ANKRD24: variants seen among roughly 807,000 people sequenced by gnomAD.
ANKRD24 encodes ankyrin repeat domain 24, also known as ankyrin repeat domain-containing protein 24.
Under a neutral mutation model 127.8 loss-of-function variants are expected in ANKRD24, and 109 were observed. The observed-to-expected ratio is 0.85, with a 90% CI of 0.73 to 1.00. ANKRD24 has a LOEUF of 1.00. ANKRD24 is among the 50% of genes least tolerant of loss of function. The pLI is 0.00. For missense variants in ANKRD24, 1,648 were observed against 1,570.2 expected, an observed-to-expected ratio of 1.05 and a Z score of -0.84; for synonymous variants, 743 against 671.1, an observed-to-expected ratio of 1.11 and a Z score of -1.66.
chr19:4,218,170 AG>A lies in ANKRD24; in HGVS notation c.3003+10del. ...CAGCGCAGAGGTCTTCCAGGTGAGC[AG>A]GGCTGGTCACCACCCGGGCCCCACC... On this transcript the variant is annotated splice_region_variant and intron_variant, in intron 18 of 21. Coordinates refer to ENST00000318934, the MANE Select transcript of ANKRD24 (RefSeq NM_001393985.1). 6.8e-7 allele frequency: 1 copy of A among 1,465,104 alleles called. No individual in the cohort carries two copies. The highest frequency in any genetic ancestry group is 2.8e-5 in the East Asian group (1 of 35,562). 90.8% of individuals were successfully genotyped at this position (1,465,104 alleles called of 1,614,324 possible). A position where few individuals can be genotyped will look rare whatever the true frequency, so the allele number is the denominator to read the frequency against.
intron 6 of ANKRD24, 80 bp downstream of exon 6, chr19:4,202,170 C>T (rs1969131177): frequency 7.7e-7 from 1 of 1,304,272 alleles, no homozygotes; most frequent in Non-Finnish European, 1.1e-6. Context: ...CCCCCAGATG[C>T]TCTATGAATC....
chr19:4,183,233 G>T, intron 1 of ANKRD24: 1 of 864,062 alleles, frequency 1.2e-6, no homozygotes, highest in Non-Finnish European at 1.4e-6. Context: ...GACCGCCTCG[G>T]CCTCCCAAAG....
chr19:4,195,060 T>TTTGTTTGTTTGTTTG lies in ANKRD24; in HGVS notation c.37-4621_37-4620insGTTTGTTTGTTTGTT, dbSNP rs1968623108. Among the ~76,000 whole-genome samples the TTTGTTTGTTTGTTTG allele has an allele frequency of 2.0e-5, 3 of 148,536 alleles. No individual in the cohort carries two copies. Among genetic ancestry groups the TTTGTTTGTTTGTTTG allele is most frequent in the South Asian group, 2.2e-4 (1 of 4,634 alleles). On this transcript the variant is annotated intron_variant, in intron 2 of 21. Transcript: ENST00000318934. This position sits in a 1 kb window ranked among gnomAD's most constrained non-coding sequence, Gnocchi z 4.2. ...TCGGCGTGAGCCACCGCGCCCAGGT[T>TTTGTTTGTTTGTTTG]TTTGTTTGTTTGTTTGTTTGTTTGT...
rs1371733117 is a variant in ANKRD24, at chr19:4,217,370, G to A, written c.2210G>A (p.Arg737Gln). ...TRIRGLEEAL[R>Q]QREREAAAEL... is the part of the protein sequence containing the mutation. ...ATCCGTGGCTTGGAGGAGGCTCTCC[G>A]GCAGCGGGAGCGGGAGGCAGCTGCG... The change falls in exon 18 of 22, where the codon CGG becomes CAG. Residue 737 changes from arginine to glutamine, a missense_variant. Transcript: ENST00000318934. 1.9e-6 allele frequency: 3 copies of A among 1,550,818 alleles called. No homozygotes were observed. Among genetic ancestry groups the A allele is most frequent in the East Asian group, 2.4e-5 (1 of 40,932 alleles).
intron 8 of ANKRD24, 29 bp downstream of exon 8, chr19:4,207,341 A>T (rs750700866): frequency 4.3e-6 from 7 of 1,609,440 alleles, no homozygotes; most frequent in Non-Finnish European, 6.0e-6. Flanking sequence ...TTCAGGGAAG[A>T]TGTTATGCTT....
intron 21 of ANKRD24, 95 bp from the exon 22 acceptor site, chr19:4,224,333 C>A: frequency 2.1e-6 from 3 of 1,461,404 alleles, no homozygotes; most frequent in Non-Finnish European, 2.8e-6. Context: ...GTGTGCATTT[C>A]CCTCCTGGCT....
At position 4,199,805 on chromosome 19, in the gene ANKRD24, C is replaced by T. The variant is rs1447574677; in HGVS notation, c.123+36C>T. On this transcript the variant is annotated intron_variant, in intron 3 of 21. Transcript: ENST00000318934. This position sits in a 1 kb window ranked among gnomAD's most constrained non-coding sequence, Gnocchi z 5.2. The stretch of plus-strand genomic sequence containing the variant: ...AGGGGCAGGTGGTGAGAGCCCGGAG[C>T]CCCTGTCGGGGGCGTGGGGAGGGGA... 6 of 1,507,092 alleles carry T rather than the reference C, an allele frequency of 4.0e-6. No homozygotes were observed. The South Asian group carries it at 4.8e-5, about 12-fold the overall frequency. The allele number at this position is 1,507,092 out of a possible 1,614,324, so 93.4% of individuals were successfully genotyped here. A position where few individuals can be genotyped will look rare whatever the true frequency, so the allele number is the denominator to read the frequency against.
intron 13 of ANKRD24, 115 bp downstream of exon 13, chr19:4,210,487 C>T: frequency 1.0e-6 from 1 of 958,748 alleles, no homozygotes; most frequent in Admixed American, 2.9e-5. Flanking sequence ...CCTCCCCACC[C>T]TGCTGCAGCC....
chr19:4,201,369 G>A (rs953621780), intron 5 of ANKRD24, among the ~76,000 whole-genome samples: 3 of 152,068 alleles, frequency 2.0e-5, no homozygotes, highest in African/African-American at 7.2e-5. Context: ...AAGGGTATAT[G>A]GATTGGCAAG....
chr19:4,216,321 G>C lies in ANKRD24; in HGVS notation c.1308G>C (p.Ser436=), dbSNP rs45510899. Residue 436 remains serine (S), a synonymous_variant, in exon 17 of 22, where the codon TCG becomes TCC. Coordinates refer to ENST00000318934, the MANE Select transcript of ANKRD24 (RefSeq NM_001393985.1). ...EVLLSRQLSP[S]AQEHLASLQE... is the part of the protein sequence containing the mutation. Reference sequence around the variant, plus strand: ...TGCTGTCCAGACAACTCAGTCCGTCGGCCCAGGAACACCTGGCCTCGCTGC... The same window carrying C: ...TGCTGTCCAGACAACTCAGTCCGTCCGCCCAGGAACACCTGGCCTCGCTGC... The C allele has an allele frequency of 1.9e-6, 3 of 1,563,082 alleles. No individual in the cohort carries two copies. The highest frequency in any genetic ancestry group is 2.6e-6 in the Non-Finnish European group (3 of 1,153,784).
intron 7 of ANKRD24, 23 bp from the exon 8 acceptor site, chr19:4,207,219 G>C: frequency 6.2e-7 from 1 of 1,611,510 alleles, no homozygotes; most frequent in Non-Finnish European, 8.5e-7. Flanking sequence ...CTACCGCACC[G>C]GACAACCTTT....
At position 4,224,554 on chromosome 19, in the gene ANKRD24, C is replaced by T; in HGVS notation, c.*49C>T. On this transcript the variant is annotated 3_prime_UTR_variant, in exon 22 of 22. Transcript: ENST00000318934. ...ACTGACCACACCCACGCAGGGACCT[C>T]ACCCCCCTGCAGGCCCCTTGCAGAC... 1 of 1,518,506 alleles carries T rather than the reference C, an allele frequency of 6.6e-7. No individual in the cohort carries two copies. Among genetic ancestry groups the T allele is most frequent in the Non-Finnish European group, 9.0e-7 (1 of 1,112,190 alleles). The allele number at this position is 1,518,506 out of a possible 1,614,324, so 94.1% of individuals were successfully genotyped here.
intron 1 of ANKRD24, among the ~76,000 whole-genome samples, chr19:4,185,840 G>T (rs1319592201): frequency 6.6e-6 from 1 of 152,196 alleles, no homozygotes; most frequent in Non-Finnish European, 1.5e-5. Context: ...ATGGAGCCAG[G>T]GGTGAGGCAG....
At position 4,207,928 on chromosome 19, in the gene ANKRD24, C is replaced by A; in HGVS notation, c.792C>A (p.His264Gln). ...TGGCGGGGGACAAACTCATCCTGCA[C>A]CTTCTGCAAGAGGCGGCCCAGCGCC... ...GALAGDKLILHLLQEAAQRPS... is the reference protein window; with the variant it reads ...GALAGDKLILQLLQEAAQRPS... The change falls in exon 10 of 22, where the codon CAC becomes CAA. Residue 264 changes from histidine to glutamine, a missense_variant. His to Gln is a conservative substitution (Grantham distance 24). Coordinates refer to ENST00000318934, the MANE Select transcript of ANKRD24 (RefSeq NM_001393985.1). 6.5e-7 allele frequency: 1 copy of A among 1,545,464 alleles called. No homozygotes were observed. Among genetic ancestry groups the A allele is most frequent in the Non-Finnish European group, 8.7e-7 (1 of 1,147,796 alleles).
intron 10 of ANKRD24, 34 bp from the exon 11 acceptor site, chr19:4,208,730 C>T: frequency 1.2e-6 from 2 of 1,606,824 alleles, no homozygotes; most frequent in Non-Finnish European, 1.7e-6. Context: ...GGCCTGGGAA[C>T]AGAATGCCTG....
In ANKRD24 at chr19:4,221,509, C is replaced by T. The variant is rs1476995684; in HGVS notation, c.3172-1161C>T. ...CCTCCCAAAGTGGTAGGATGACAGG[C>T]GTGAGCCACCGCACCTGGTTTCAGA... On this transcript the variant is annotated intron_variant, in intron 19 of 21. Coordinates refer to ENST00000318934, the MANE Select transcript of ANKRD24 (RefSeq NM_001393985.1). Among the ~76,000 whole-genome samples, 6 of 152,122 alleles carry T rather than the reference C, an allele frequency of 3.9e-5. No homozygotes were observed. In the East Asian group the frequency reaches 5.8e-4, roughly 15 times the overall value.
intron 1 of ANKRD24, chr19:4,183,411 C>T (rs1005229116): frequency 1.1e-6 from 1 of 917,154 alleles, no homozygotes; most frequent in Non-Finnish European, 1.3e-6. Context: ...GTACTGGGCA[C>T]ACTGGAGAGC....
intron 5 of ANKRD24, among the ~76,000 whole-genome samples, chr19:4,201,341 G>A (rs1355239591): frequency 6.6e-6 from 1 of 152,138 alleles, no homozygotes; most frequent in Non-Finnish European, 1.5e-5. Context: ...CAGGGACAGA[G>A]TTGGCATTTG....
rs759370063 is a variant in ANKRD24 at position 4,218,178 on chromosome 19, T to A, written c.3003+15T>A. The A allele has an allele frequency of 6.9e-7, 1 of 1,453,290 alleles. No homozygotes were observed. 90.0% of individuals were successfully genotyped at this position (1,453,290 alleles called of 1,614,324 possible). Reference sequence around the variant, plus strand: ...AGGTCTTCCAGGTGAGCAGGGCTGGTCACCACCCGGGCCCCACCCCCATTG... The same window carrying A: ...AGGTCTTCCAGGTGAGCAGGGCTGGACACCACCCGGGCCCCACCCCCATTG... On this transcript the variant is annotated intron_variant, in intron 18 of 21. Transcript: ENST00000318934.
Sources: gnomAD v4.1 joint callset for allele counts (sites outside exome capture counted in the v4.1 genomes callset) on GRCh38, gnomAD v4.1.1 for gene constraint, Gnocchi (gnomAD v3.1) non-coding constraint, MANE v1.5 for transcripts, NCBI Gene and HGNC (gene_info 2026-07-23, HGNC 2026-07-21) for gene names.